Variants in CDYL2 observed in about 807,000 individuals in gnomAD.
CDYL2 encodes chromodomain Y like 2.
A neutral mutation model predicts 49.4 loss-of-function variants in CDYL2; 23 were observed. That is an observed-to-expected ratio of 0.47 (90% CI 0.34 to 0.66). CDYL2 has a LOEUF of 0.66. Among genes scored for constraint, CDYL2 ranks in the 30% least tolerant of loss-of-function variants. CDYL2 has a pLI of 0.01. For missense variants in CDYL2, 678 were observed against 656.4 expected (o/e 1.03, Z -0.36); for synonymous variants, 360 against 268.8 (o/e 1.34, Z -3.32).
chr16:80,654,167 C>T (rs557026573), intron 2 of CDYL2, among the ~76,000 whole-genome samples: 36 of 152,324 alleles, frequency 2.4e-4, no homozygotes, highest in Non-Finnish European at 5.1e-4. Flanking sequence ...TGACCATGTG[C>T]TCAGCGCTCT....
At chr16:80,668,155 T>C (rs1909348796) in intron 2 of CDYL2, among the ~76,000 whole-genome samples, 1 of 152,186 alleles carries the variant, frequency 6.6e-6, no homozygotes, top group Admixed American at 6.5e-5. Context: ...CTGCACACCG[T>C]AAATCCCAAG....
chr16:80,680,237 C>T (rs1909916063), intron 2 of CDYL2, among the ~76,000 whole-genome samples: 1 of 152,136 alleles, frequency 6.6e-6, no homozygotes, highest in Admixed American at 6.5e-5. Context: ...ATTCTGCAAA[C>T]ACTGAATCAT....
intron 1 of CDYL2, among the ~76,000 whole-genome samples, chr16:80,688,097 A>C (rs923967505): frequency 9.2e-5 from 14 of 152,172 alleles, no homozygotes; most frequent in African/African-American, 3.4e-4. Context: ...CTAGATGGCT[A>C]TTTGGGGCCA....
At chr16:80,678,458 A>G (rs1013592036) in intron 2 of CDYL2, among the ~76,000 whole-genome samples, 37 of 152,310 alleles carry the variant, frequency 2.4e-4, no homozygotes, top group African/African-American at 8.7e-4. Flanking sequence ...GAAGGACATG[A>G]ACAGACACTT....
intron 1 of CDYL2, among the ~76,000 whole-genome samples, chr16:80,788,846 C>T (rs372878505): frequency 6.6e-6 from 1 of 151,836 alleles, no homozygotes; most frequent in South Asian, 2.1e-4. Flanking sequence ...TTTATTATGC[C>T]CTCATCAAAG....
At chr16:80,728,995 T>A (rs1311181292) in intron 1 of CDYL2, among the ~76,000 whole-genome samples, 1 of 151,286 alleles carries the variant, frequency 6.6e-6, no homozygotes, top group African/African-American at 2.4e-5. Flanking sequence ...CACTGCAAAA[T>A]CATGCCAAAA....
At chr16:80,791,680 A>C (rs961128866) in intron 1 of CDYL2, among the ~76,000 whole-genome samples, 1 of 152,214 alleles carries the variant, frequency 6.6e-6, no homozygotes, top group African/African-American at 2.4e-5. Flanking sequence ...GGATATGATT[A>C]AAGGAGAGAG....
intron 2 of CDYL2, among the ~76,000 whole-genome samples, chr16:80,650,229 G>A (rs939918538): frequency 6.6e-6 from 1 of 151,994 alleles, no homozygotes; most frequent in Non-Finnish European, 1.5e-5. Context: ...TCTGACAAGG[G>A]ATTAATAACC....
intron 1 of CDYL2, among the ~76,000 whole-genome samples, chr16:80,689,453 G>A (rs1027224184): frequency 2.6e-5 from 4 of 152,212 alleles, no homozygotes; most frequent in Admixed American, 6.5e-5. Context: ...TGACAGGGGA[G>A]GAAACTGAGG....
chr16:80,742,674 G>T (rs998743505), intron 1 of CDYL2, among the ~76,000 whole-genome samples: 1 of 150,954 alleles, frequency 6.6e-6, no homozygotes, highest in African/African-American at 2.4e-5. Flanking sequence ...GGTAGAAAGG[G>T]TGGATGAATG....
At chr16:80,764,549 C>T (rs960148924) in intron 1 of CDYL2, among the ~76,000 whole-genome samples, 1 of 151,948 alleles carries the variant, frequency 6.6e-6, no homozygotes. Context: ...ATAATAAAGT[C>T]TATGTTGCTG....
At chr16:80,788,060 A>G (rs1363817380) in intron 1 of CDYL2, among the ~76,000 whole-genome samples, 2 of 152,194 alleles carry the variant, frequency 1.3e-5, no homozygotes, top group South Asian at 4.1e-4. Context: ...CCAACCGTGA[A>G]GGAATGCAAG....
At chr16:80,753,968 A>G (rs1906223545) in intron 1 of CDYL2, among the ~76,000 whole-genome samples, 1 of 152,238 alleles carries the variant, frequency 6.6e-6, no homozygotes, top group Non-Finnish European at 1.5e-5. Flanking sequence ...GAACAGATGC[A>G]GGAAACACAG....
intron 3 of CDYL2, among the ~76,000 whole-genome samples, chr16:80,623,406 C>CTTGT (rs1216485411): frequency 6.6e-6 from 1 of 152,064 alleles, no homozygotes; most frequent in East Asian, 1.9e-4. Context: ...ATGGCACATA[C>CTTGT]CCTGCAAGAT....
At position 80,769,619 on chromosome 16, in the gene CDYL2, C is replaced by T. The variant is rs9931055; in HGVS notation, c.24+34531G>A. ...CTTCTGGTCATGTCAACAGGAAGTA[C>T]AAACTTCTCCCAGCTCCCTTCCTCC... On this transcript the variant is annotated intron_variant, in intron 1 of 6. Coordinates refer to ENST00000570137, the MANE Select transcript of CDYL2 (RefSeq NM_152342.4). Among the ~76,000 whole-genome samples the T allele has an allele frequency of 4.3e-4, 66 of 152,278 alleles. No individual in the cohort carries two copies. The Middle Eastern group carries it at 0.01, about 24-fold the overall frequency.
chr16:80,764,404 G>A (rs1043338953), intron 1 of CDYL2, among the ~76,000 whole-genome samples: 1 of 152,114 alleles, frequency 6.6e-6, no homozygotes, highest in Admixed American at 6.5e-5. Context: ...CAAGAGTACA[G>A]TGTCACAATC....
intron 1 of CDYL2, among the ~76,000 whole-genome samples, chr16:80,725,167 AACACAT>A (rs112801144): frequency 0.041 from 6,229 of 151,256 alleles, 153 homozygotes; most frequent in East Asian, 0.092. Flanking sequence ...ACACCTGTGC[AACACAT>A]ACACATACAC....
At chr16:80,735,469 T>C (rs1905488205) in intron 1 of CDYL2, among the ~76,000 whole-genome samples, 1 of 152,236 alleles carries the variant, frequency 6.6e-6, no homozygotes. Flanking sequence ...AGCTAAATGA[T>C]GCAAAGCACT....
At chr16:80,749,732 A>T (rs71400112) in intron 1 of CDYL2, among the ~76,000 whole-genome samples, 13,399 of 151,948 alleles carry the variant, frequency 0.088, 783 homozygotes, top group African/African-American at 0.17. Flanking sequence ...AAATTTTTTT[A>T]AAAAAATTTA....
Sources: allele counts gnomAD v4.1 joint callset (sites outside exome capture counted in the v4.1 genomes callset), GRCh38; gene constraint gnomAD v4.1.1; transcripts MANE v1.5; gene names NCBI Gene and HGNC (gene_info 2026-07-23, HGNC 2026-07-21).